Variants in ENPP3 observed in about 807,000 individuals in gnomAD.
ENPP3 encodes ectonucleotide pyrophosphatase/phosphodiesterase family member 3.
ENPP3 carries 104 observed loss-of-function variants against 117.8 expected under a neutral mutation model. The ratio of observed to expected loss-of-function variants is 0.88; its 90% CI spans 0.75 to 1.04. The LOEUF is 1.04. Among genes scored for constraint, ENPP3 ranks in the 50% least tolerant of loss-of-function variants. The probability of loss-of-function intolerance (pLI) is 0.00; values close to 1 mark genes in which losing one functional copy is unlikely to be tolerated. For synonymous variants in ENPP3, 380 were observed against 349.9 expected (o/e 1.09, Z -0.96); for missense variants, 1,026 against 1,051.9 (o/e 0.98, Z 0.34).
chr6:131,671,333 T>G lies in ENPP3; in HGVS notation c.642+6T>G. ...ATCATTACACCATTGTCACGGTAAG[T>G]GCTTGACCCAGTGGTAAGACAGGCC... On this transcript the variant is annotated splice_donor_region_variant and intron_variant, in intron 7 of 24. Coordinates refer to ENST00000357639, the MANE Select transcript of ENPP3 (RefSeq NM_005021.5). 1 of 1,567,742 alleles carries G rather than the reference T, an allele frequency of 6.4e-7. No individual in the cohort carries two copies.
chr6:131,645,065 TCTACTGTGTGTTACTCTTTGGCATGTA>T (rs1351789506), intron 2 of ENPP3, among the ~76,000 whole-genome samples: 3 of 152,386 alleles, frequency 2.0e-5, no homozygotes, highest in African/African-American at 7.2e-5. Flanking sequence ...TTCTCATGCT[TCTACTGTGTGTTACTCTTTGGCATGTA>T]CCCAACTTGC....
intron 2 of ENPP3, chr6:131,642,916 T>A (rs1294385104): frequency 6.6e-6 from 1 of 152,194 alleles, no homozygotes; most frequent in African/African-American, 2.4e-5. Flanking sequence ...TGAGCAATAA[T>A]CATACCTCAA....
intron 7 of ENPP3, among the ~76,000 whole-genome samples, chr6:131,672,145 C>T (rs1377497596): frequency 6.6e-6 from 1 of 152,180 alleles, no homozygotes; most frequent in Non-Finnish European, 1.5e-5. Context: ...TTGCAGCCAT[C>T]ACAAAGAAGC....
At chr6:131,727,533 C>T (rs1234104433) in intron 20 of ENPP3, among the ~76,000 whole-genome samples, 1 of 100,950 alleles carries the variant, frequency 9.9e-6, no homozygotes, top group Non-Finnish European at 1.8e-5. Flanking sequence ...CCAGCCTGAG[C>T]AACAACAGTG....
intron 14 of ENPP3, among the ~76,000 whole-genome samples, chr6:131,689,451 A>G (rs1174231681): frequency 5.3e-5 from 8 of 152,216 alleles, no homozygotes; most frequent in Non-Finnish European, 1.5e-5. Flanking sequence ...AAATGGAACA[A>G]CAAAGCCTGA....
intron 15 of ENPP3, chr6:131,701,205 G>A (rs199569552): frequency 3.0e-4 from 350 of 1,184,364 alleles, no homozygotes; most frequent in Admixed American, 8.0e-4. Context: ...GTCGACGACC[G>A]CCAGGTGTGA....
intron 2 of ENPP3, among the ~76,000 whole-genome samples, chr6:131,649,592 G>T (rs1264110715): frequency 6.6e-6 from 1 of 152,008 alleles, no homozygotes; most frequent in Non-Finnish European, 1.5e-5. Context: ...GTCTTGCTTT[G>T]TCACCCAGGC....
intron 6 of ENPP3, among the ~76,000 whole-genome samples, chr6:131,667,269 T>C (rs1778637008): frequency 6.6e-6 from 1 of 152,104 alleles, no homozygotes; most frequent in East Asian, 1.9e-4. Flanking sequence ...CTAGGTTCCA[T>C]TAGCGCTCCA....
chr6:131,679,863 C>T (rs1304658335), intron 11 of ENPP3, among the ~76,000 whole-genome samples: 2 of 152,160 alleles, frequency 1.3e-5, no homozygotes, highest in Non-Finnish European at 2.9e-5. Context: ...TATTTGTGTT[C>T]TGCTGTGCCA....
In ENPP3 at chr6:131,677,951, G is replaced by A; in HGVS notation, c.1011+11G>A. 1 of 1,552,094 alleles carries A rather than the reference G, an allele frequency of 6.4e-7. No individual in the cohort carries two copies. The highest frequency in any genetic ancestry group is 8.8e-7 in the Non-Finnish European group (1 of 1,133,582). The stretch of plus-strand genomic sequence containing the variant: ...CCAGTCAGTGCCAGAGTAAGTTGTT[G>A]TTTTCTTAAAAGAAAAAAAAAAATG... On this transcript the variant is annotated intron_variant, in intron 11 of 24. Transcript: ENST00000357639.
chr6:131,741,220 C>T (rs909269711), intron 24 of ENPP3, among the ~76,000 whole-genome samples: 2 of 152,084 alleles, frequency 1.3e-5, no homozygotes, highest in Admixed American at 6.6e-5. Flanking sequence ...TGAAGTCATT[C>T]AACAAACATA....
intron 6 of ENPP3, among the ~76,000 whole-genome samples, chr6:131,665,998 T>G (rs1778608569): frequency 6.6e-6 from 1 of 152,178 alleles, no homozygotes; most frequent in Non-Finnish European, 1.5e-5. Context: ...AATTTCTACA[T>G]TATTTGTAAA....
At chr6:131,638,286 A>G (rs1777969711) in intron 1 of ENPP3, among the ~76,000 whole-genome samples, 1 of 152,110 alleles carries the variant, frequency 6.6e-6, no homozygotes, top group Non-Finnish European at 1.5e-5. Context: ...TGACATTGAC[A>G]TTTTCATTTT....
rs775125634 is a variant in ENPP3, at chr6:131,641,450, A to C, written c.79-5A>C. On this transcript the variant is annotated splice_polypyrimidine_tract_variant and splice_region_variant and intron_variant, in intron 1 of 24. Transcript: ENST00000357639. ...ATAAAAGTTACTTTTTCCTTTTTGC[A>C]ATAGGTTCTTCTTGCTTTGCTGGTG... is the stretch of plus-strand genomic sequence containing the variant. 6.2e-7 allele frequency: 1 copy of C among 1,601,906 alleles called. No individual in the cohort carries two copies. The highest frequency in any genetic ancestry group is 8.5e-7 in the Non-Finnish European group (1 of 1,170,358).
intron 5 of ENPP3, among the ~76,000 whole-genome samples, chr6:131,657,383 C>G (rs1235277577): frequency 6.6e-6 from 1 of 152,174 alleles, no homozygotes; most frequent in African/African-American, 2.4e-5. Flanking sequence ...TATCATCATA[C>G]ATTCCTGTTT....
chr6:131,716,141 T>C (rs1430280137), intron 15 of ENPP3, among the ~76,000 whole-genome samples: 4 of 152,316 alleles, frequency 2.6e-5, no homozygotes, highest in Non-Finnish European at 5.9e-5. Flanking sequence ...TAATTAGACA[T>C]GGGGAAGATA....
intron 11 of ENPP3, among the ~76,000 whole-genome samples, chr6:131,680,148 A>T (rs1778993389): frequency 6.6e-6 from 1 of 152,256 alleles, no homozygotes; most frequent in African/African-American, 2.4e-5. Flanking sequence ...GAGACAGGTT[A>T]GCTTTCCCAA....
chr6:131,659,746 C>T (rs747274335), intron 6 of ENPP3, among the ~76,000 whole-genome samples: 13 of 152,284 alleles, frequency 8.5e-5, no homozygotes, highest in Non-Finnish European at 1.5e-4. Context: ...AAATCCAGGA[C>T]CTGTCATTTT....
chr6:131,740,407 A>G (rs1780503523), intron 24 of ENPP3, 27 bp downstream of exon 24: 1 of 1,500,334 alleles, frequency 6.7e-7, no homozygotes, highest in African/African-American at 1.4e-5. Flanking sequence ...AGGGTCCAGG[A>G]CCCGAGAAAA....
Sources: allele counts gnomAD v4.1 joint callset (sites outside exome capture counted in the v4.1 genomes callset), GRCh38; gene constraint gnomAD v4.1.1; transcripts MANE v1.5; gene names NCBI Gene and HGNC (gene_info 2026-07-23, HGNC 2026-07-21).